The following IL20RB variants were observed in gnomAD, a reference collection of about 807,000 sequenced individuals.
IL20RB encodes the protein interleukin 20 receptor subunit beta.
Under a neutral mutation model 33.3 loss-of-function variants are expected in IL20RB, and 21 were observed. That is an observed-to-expected ratio of 0.63 (90% CI 0.45 to 0.91). IL20RB has a LOEUF of 0.91. Ranked by LOEUF, IL20RB falls within the 40% of genes least tolerant of loss-of-function variation. The probability of loss-of-function intolerance (pLI) is 0.00; values close to 1 mark genes in which losing one functional copy is unlikely to be tolerated. For missense variants in IL20RB, 345 were observed against 384.8 expected (o/e 0.90, Z 0.86); for synonymous variants, 147 against 146.8 (o/e 1.00, Z -0.01).
intron 3 of IL20RB, among the ~76,000 whole-genome samples, chr3:136,986,253 AAAT>A (rs1941896276): frequency 8.8e-5 from 4 of 45,698 alleles, no homozygotes; most frequent in Non-Finnish European, 1.7e-4. Context: ...ATAAATAAAT[AAAT>A]AAAAATAAAA....
intron 4 of IL20RB, among the ~76,000 whole-genome samples, chr3:136,991,642 T>G (rs1418223523): frequency 6.6e-6 from 1 of 152,214 alleles, no homozygotes; most frequent in Non-Finnish European, 1.5e-5. Flanking sequence ...AGAGTCTCGC[T>G]CTGTCGCCCA....
intron 3 of IL20RB, among the ~76,000 whole-genome samples, chr3:136,982,879 T>G (rs1487357389): frequency 6.6e-6 from 1 of 152,140 alleles, no homozygotes; most frequent in African/African-American, 2.4e-5. Flanking sequence ...AAAGAAGTAA[T>G]AGAGGAATCC....
In IL20RB at chr3:136,982,271, C is replaced by T; in HGVS notation, c.327C>T (p.Tyr109=). 1 of 1,612,066 alleles carries T rather than the reference C, an allele frequency of 6.2e-7. No individual in the cohort carries two copies. The highest frequency in any genetic ancestry group is 2.2e-5 in the East Asian group (1 of 44,800). The change falls in exon 3 of 7, where the codon TAC becomes TAT. Residue 109 remains tyrosine, a synonymous_variant. Coordinates refer to ENST00000329582, the MANE Select transcript of IL20RB (RefSeq NM_144717.4). ...ATGACATCACGGCCACTGTGCCATA[C>T]AACCTTCGTGTCAGGGCCACATTGG... ...VTDDITATVP[Y]NLRVRATLGS...
At chr3:136,988,550 G>T (rs1941963971) in intron 3 of IL20RB, among the ~76,000 whole-genome samples, 1 of 152,042 alleles carries the variant, frequency 6.6e-6, no homozygotes, top group South Asian at 2.1e-4. Context: ...GACCAGCCTG[G>T]GCAATGTGGT....
At chr3:136,974,155 C>T (rs999344557) in intron 1 of IL20RB, among the ~76,000 whole-genome samples, 1 of 151,494 alleles carries the variant, frequency 6.6e-6, no homozygotes, top group African/African-American at 2.4e-5. Flanking sequence ...TCCTATTGTT[C>T]ATTGTGTTTT....
intron 1 of IL20RB, among the ~76,000 whole-genome samples, chr3:136,958,510 A>T (rs184757509): frequency 9.2e-5 from 14 of 152,382 alleles, no homozygotes; most frequent in African/African-American, 3.4e-4. Flanking sequence ...AGTGCAATGT[A>T]GTTCTTTCAG....
intron 1 of IL20RB, among the ~76,000 whole-genome samples, chr3:136,972,745 T>A (rs539595546): frequency 4.0e-4 from 61 of 151,248 alleles, no homozygotes; most frequent in African/African-American, 1.2e-3. Context: ...AAGAAAAATT[T>A]TTTTTTTTCA....
At chr3:136,971,872 G>T (rs72978756) in intron 1 of IL20RB, among the ~76,000 whole-genome samples, 2,311 of 152,260 alleles carry the variant, frequency 0.015, 74 homozygotes, top group African/African-American at 0.053. Context: ...TGGCTGGATG[G>T]AATGGTAATT....
chr3:136,974,843 G>C (rs1941576753), intron 1 of IL20RB, among the ~76,000 whole-genome samples: 1 of 152,118 alleles, frequency 6.6e-6, no homozygotes, highest in Non-Finnish European at 1.5e-5. Flanking sequence ...TATTTCAAAA[G>C]ACCTGTCTTC....
rs1312354905 is a variant in IL20RB at position 136,987,744 on chromosome 3, G to C, written c.407-1697G>C. Among the ~76,000 whole-genome samples the C allele has an allele frequency of 2.0e-5, 3 of 152,234 alleles. No individual in the cohort carries two copies. In the South Asian group the frequency reaches 6.2e-4, roughly 31 times the overall value. On this transcript the variant is annotated intron_variant, in intron 3 of 6. Transcript: ENST00000329582. ...CCGAGCCACGCCCCACGGGAAGGCA[G>C]CTAAGGCCCGGTGAGAAATCTAGCA...
chr3:136,984,323 C>A (rs1234873642), intron 3 of IL20RB, among the ~76,000 whole-genome samples: 1 of 151,792 alleles, frequency 6.6e-6, no homozygotes, highest in Non-Finnish European at 1.5e-5. Context: ...TGGAGGAAGC[C>A]CCTGGATGGG....
In IL20RB at chr3:137,001,170, A is replaced by G. The variant is rs561130354; in HGVS notation, c.825+5614A>G. The stretch of plus-strand genomic sequence containing the variant: ...AGAGACTGGAAGACTCTGTGACAGT[A>G]TGACCAATTTCATCCATGGCAGATA... On this transcript the variant is annotated intron_variant, in intron 6 of 6. Transcript: ENST00000329582. 3.9e-5 allele frequency among the ~76,000 whole-genome samples: 6 copies of G among 152,330 alleles called. No individual in the cohort carries two copies. The East Asian group carries it at 1.2e-3, about 29-fold the overall frequency.
intron 3 of IL20RB, among the ~76,000 whole-genome samples, chr3:136,986,334 G>A (rs1941898298): frequency 6.6e-6 from 1 of 152,196 alleles, no homozygotes; most frequent in African/African-American, 2.4e-5. Flanking sequence ...AGAAGGCATA[G>A]GACAGAGGTT....
At chr3:136,978,642 A>G (rs2108194467) in intron 1 of IL20RB, among the ~76,000 whole-genome samples, 1 of 152,328 alleles carries the variant, frequency 6.6e-6, no homozygotes, top group Non-Finnish European at 1.5e-5. Flanking sequence ...TGGTTATGGT[A>G]TATAGTTCTT....
chr3:136,990,773 G>T (rs1295971634), intron 4 of IL20RB, among the ~76,000 whole-genome samples: 1 of 152,176 alleles, frequency 6.6e-6, no homozygotes, highest in Non-Finnish European at 1.5e-5. Flanking sequence ...AGGGCTGTAG[G>T]TTGGGTAGCT....
At chr3:136,964,470 T>C (rs1274861453) in intron 1 of IL20RB, among the ~76,000 whole-genome samples, 1 of 76,634 alleles carries the variant, frequency 1.3e-5, no homozygotes, top group Admixed American at 1.7e-4. Context: ...CTTCATGTGT[T>C]TTTTGGCTGC....
rs997901431 is a variant in IL20RB, at chr3:136,980,520, T to C, written c.143T>C (p.Met48Thr). The change falls in exon 2 of 7, where the codon ATG becomes ACG. Residue 48 changes from methionine (M) to threonine (T), a missense_variant. Met to Thr is a moderately conservative substitution (Grantham distance 81). Transcript: ENST00000329582. ...PQNLSVLSTN[M>T]KHLLMWSPVI... ...AACCTCTCTGTACTCTCAACCAACA[T>C]GAAGCATCTCTTGATGTGGAGCCCA... The C allele has an allele frequency of 1.2e-6, 2 of 1,614,090 alleles. No individual in the cohort carries two copies. The highest frequency in any genetic ancestry group is 1.7e-6 in the Non-Finnish European group (2 of 1,180,032).
At chr3:136,992,132 G>T (rs949023967) in intron 5 of IL20RB, 44 bp downstream of exon 5, 15 of 1,596,624 alleles carry the variant, frequency 9.4e-6, no homozygotes, top group Non-Finnish European at 1.3e-5. Context: ...ACAGGTGATA[G>T]CCCCTCCTGG....
chr3:136,971,127 A>G (rs1208465628), intron 1 of IL20RB, among the ~76,000 whole-genome samples: 1 of 151,500 alleles, frequency 6.6e-6, no homozygotes, highest in African/African-American at 2.4e-5. Flanking sequence ...CCTTCTAACT[A>G]TATGTTTTGT....
Sources: gnomAD v4.1 joint callset for allele counts (sites outside exome capture counted in the v4.1 genomes callset) on GRCh38, gnomAD v4.1.1 for gene constraint, MANE v1.5 for transcripts, NCBI Gene and HGNC (gene_info 2026-07-23, HGNC 2026-07-21) for gene names.